Variants in UNC79 observed in about 807,000 individuals in gnomAD.
UNC79 encodes the protein unc-79 subunit of NALCN channel complex, also known as protein unc-79 homolog.
Under a neutral mutation model 283.1 loss-of-function variants are expected in UNC79, and 37 were observed. The observed-to-expected ratio is 0.13, with a 90% CI of 0.10 to 0.17. The LOEUF is 0.17. Ranked by LOEUF, UNC79 falls within the 10% of genes least tolerant of loss-of-function variation. The pLI is 1.00. For missense variants in UNC79, 2,272 were observed against 3,211.1 expected (o/e 0.71, Z 7.07); for synonymous variants, 1,107 against 1,200.2 (o/e 0.92, Z 1.61).
intron 47 of UNC79, among the ~76,000 whole-genome samples, chr14:93,702,481 A>G (rs546847071): frequency 2.6e-5 from 4 of 152,378 alleles, no homozygotes; most frequent in Admixed American, 1.3e-4. Flanking sequence ...ATACATCAAC[A>G]GAATGTTAAA....
intron 47 of UNC79, among the ~76,000 whole-genome samples, chr14:93,703,875 C>G (rs903519102): frequency 6.6e-6 from 1 of 152,176 alleles, no homozygotes; most frequent in Non-Finnish European, 1.5e-5. Flanking sequence ...CATATTCTGT[C>G]TCCGACTTCT....
At chr14:93,699,182 T>A (rs1435187074) in intron 47 of UNC79, among the ~76,000 whole-genome samples, 1 of 152,240 alleles carries the variant, frequency 6.6e-6, no homozygotes, top group Non-Finnish European at 1.5e-5. Flanking sequence ...TTTCATTTAA[T>A]GTGTTTTGTG....
intron 47 of UNC79, among the ~76,000 whole-genome samples, chr14:93,702,480 C>T (rs1188076344): frequency 6.6e-6 from 1 of 152,144 alleles, no homozygotes; most frequent in Non-Finnish European, 1.5e-5. Flanking sequence ...TATACATCAA[C>T]AGAATGTTAA....
At chr14:93,698,476 G>GATTTTTTTTT (rs1555408706) in intron 47 of UNC79, among the ~76,000 whole-genome samples, 1 of 79,094 alleles carries the variant, frequency 1.3e-5, no homozygotes, top group African/African-American at 4.0e-5. Flanking sequence ...TTTAGTTTAG[G>GATTTTTTTTT]TTTTTTTTTT....
At chr14:93,374,428 G>A (rs2054514575) in intron 1 of UNC79, among the ~76,000 whole-genome samples, 2 of 152,200 alleles carry the variant, frequency 1.3e-5, no homozygotes, top group Non-Finnish European at 2.9e-5. Flanking sequence ...ACCCTGCTGG[G>A]TTTCCGACTT....
At chr14:93,668,369 ATACT>A (rs1187760546) in intron 40 of UNC79, among the ~76,000 whole-genome samples, 1 of 152,194 alleles carries the variant, frequency 6.6e-6, no homozygotes, top group Non-Finnish European at 1.5e-5. Flanking sequence ...ATTATAAAAC[ATACT>A]TTTAAAATGT....
chr14:93,475,088 C>T (rs1390666569), intron 3 of UNC79, among the ~76,000 whole-genome samples: 1 of 152,196 alleles, frequency 6.6e-6, no homozygotes. Flanking sequence ...ACTCTTCCCC[C>T]TTTCTACTCT....
intron 42 of UNC79, 73 bp from the exon 46 acceptor site, chr14:93,686,499 A>G: frequency 6.6e-7 from 1 of 1,519,856 alleles, no homozygotes; most frequent in Admixed American, 1.7e-5. Context: ...AAACAACGTG[A>G]AACCAGAGTG....
At chr14:93,640,625 C>CACAA (rs760078919) in intron 32 of UNC79, among the ~76,000 whole-genome samples, 13 of 152,174 alleles carry the variant, frequency 8.5e-5, no homozygotes, top group African/African-American at 2.2e-4. Flanking sequence ...AAGACCTTGT[C>CACAA]ACAAACAAAC....
chr14:93,614,635 T>TA (rs60270149), intron 27 of UNC79, among the ~76,000 whole-genome samples: 7,268 of 138,928 alleles, frequency 0.052, 351 homozygotes, highest in African/African-American at 0.13. Flanking sequence ...TGTGTGTGTT[T>TA]AAAAAAAAAA....
intron 2 of UNC79, among the ~76,000 whole-genome samples, chr14:93,468,669 G>A (rs952730997): frequency 2.6e-5 from 4 of 152,248 alleles, no homozygotes; most frequent in Non-Finnish European, 4.4e-5. Flanking sequence ...GCTTTGCCAC[G>A]GGAAAAGCTG....
intron 11 of UNC79, among the ~76,000 whole-genome samples, chr14:93,537,193 A>G (rs2061131120): frequency 1.3e-5 from 2 of 152,206 alleles, no homozygotes; most frequent in Admixed American, 6.5e-5. Context: ...CACGTCTCCA[A>G]TAGCTTCATG....
chr14:93,450,985 T>A (rs1057377430), intron 1 of UNC79, among the ~76,000 whole-genome samples: 2 of 152,158 alleles, frequency 1.3e-5, no homozygotes, highest in African/African-American at 4.8e-5. Flanking sequence ...CTTCTAAACC[T>A]TCTATTGATT....
chr14:93,453,600 T>C (rs6575336), intron 1 of UNC79, among the ~76,000 whole-genome samples: 106,146 of 152,088 alleles, frequency 0.7, 37,463 homozygotes, highest in Middle Eastern at 0.77. Flanking sequence ...CTTATCTCAT[T>C]AATTAGAAAG....
chr14:93,477,596 C>T, exon 4 of UNC79: 1 of 1,610,138 alleles, frequency 6.2e-7, no homozygotes, highest in East Asian at 2.2e-5. Context: ...TACATGTTTG[C>T]TACCTTTTCT....
intron 32 of UNC79, among the ~76,000 whole-genome samples, chr14:93,638,494 C>T (rs745313440): frequency 1.1e-4 from 17 of 152,252 alleles, no homozygotes; most frequent in Admixed American, 4.6e-4. Flanking sequence ...ACTCAAGAGC[C>T]CATCAGTACA....
intron 1 of UNC79, among the ~76,000 whole-genome samples, chr14:93,366,169 G>T (rs1027292066): frequency 2.0e-5 from 3 of 152,212 alleles, no homozygotes. Context: ...AACTAAAGAT[G>T]TGCAAGGCCT....
At chr14:93,575,594 G>C (rs1319064275) in intron 17 of UNC79, among the ~76,000 whole-genome samples, 1 of 152,072 alleles carries the variant, frequency 6.6e-6, no homozygotes, top group Non-Finnish European at 1.5e-5. Flanking sequence ...CTTTTGGGAA[G>C]ATATGATCAA....
At chr14:93,456,981 G>T (rs2056813908) in intron 1 of UNC79, among the ~76,000 whole-genome samples, 1 of 152,202 alleles carries the variant, frequency 6.6e-6, no homozygotes, top group Non-Finnish European at 1.5e-5. Context: ...GGAATTGGGG[G>T]ATTCTGGAGG....
Sources: allele counts gnomAD v4.1 joint callset (sites outside exome capture counted in the v4.1 genomes callset), GRCh38; gene constraint gnomAD v4.1.1; transcripts MANE v1.5; gene names NCBI Gene and HGNC (gene_info 2026-07-23, HGNC 2026-07-21).